The following FNBP1 variants were observed in gnomAD, a reference collection of about 807,000 sequenced individuals.
FNBP1 encodes formin binding protein 1.
A neutral mutation model predicts 90.6 loss-of-function variants in FNBP1; 26 were observed. The observed-to-expected ratio is 0.29, with a 90% confidence interval of 0.21 to 0.40. FNBP1 has a LOEUF of 0.40. Ranked by LOEUF, FNBP1 falls within the 10% of genes least tolerant of loss-of-function variation. FNBP1 has a pLI of 1.00. For missense variants in FNBP1, 635 were observed against 768.0 expected, an observed-to-expected ratio of 0.83 and a Z score of 2.05; for synonymous variants, 260 against 265.2, an observed-to-expected ratio of 0.98 and a Z score of 0.19.
intron 6 of FNBP1, among the ~76,000 whole-genome samples, chr9:129,945,641 G>A (rs547792978): frequency 1.3e-5 from 2 of 152,304 alleles, no homozygotes; most frequent in South Asian, 4.1e-4. Context: ...CTACGCAGCT[G>A]GCTTCACTTA....
chr9:129,928,138 C>T (rs190450798), intron 7 of FNBP1, among the ~76,000 whole-genome samples: 40 of 152,254 alleles, frequency 2.6e-4, no homozygotes, highest in Non-Finnish European at 4.9e-4. Flanking sequence ...TACAATTGGA[C>T]TCAAAGTTGC....
In FNBP1 at chr9:129,937,205, T is replaced by C. The variant is rs577461903; in HGVS notation, c.514-7510A>G. Among the ~76,000 whole-genome samples the C allele has an allele frequency of 6.6e-5, 10 of 151,960 alleles. 1 individual carries two copies. In the East Asian group the frequency reaches 1.4e-3, roughly 21 times the overall value. On this transcript the variant is annotated intron_variant, in intron 6 of 16. Coordinates refer to ENST00000446176, the MANE Select transcript of FNBP1 (RefSeq NM_015033.3). ...AAAAAATAAAAGGAATCAAACGAAT[T>C]TTACTCTAGTCTTTGACCCAAAAAT...
chr9:130,015,146 T>C (rs975415029), intron 1 of FNBP1, among the ~76,000 whole-genome samples: 1 of 152,104 alleles, frequency 6.6e-6, no homozygotes, highest in African/African-American at 2.4e-5. Context: ...CCAAAACACA[T>C]ACACCCATCC....
chr9:129,890,047 T>A lies in FNBP1; in HGVS notation c.*492A>T. The A allele has an allele frequency of 4.0e-6, 1 of 248,640 alleles. No homozygotes were observed. The highest frequency in any genetic ancestry group is 7.8e-6 in the Non-Finnish European group (1 of 127,754). 15.4% of individuals were successfully genotyped at this position (248,640 alleles called of 1,614,324 possible). On this transcript the variant is annotated 3_prime_UTR_variant, in exon 17 of 17. Coordinates refer to ENST00000446176, the MANE Select transcript of FNBP1 (RefSeq NM_015033.3). The surrounding 1 kb of genome is among the most constrained non-coding windows in gnomAD (Gnocchi z 5.8). ...AGACTCAGGAGAGGAGGAAGTGTTT[T>A]CTACAGCAGACAGTCTGGGACACAC...
chr9:129,994,432 CA>C (rs141859993), intron 2 of FNBP1, among the ~76,000 whole-genome samples: 5,523 of 151,990 alleles, frequency 0.036, 181 homozygotes, highest in African/African-American at 0.086. Flanking sequence ...TGGAGGGGGC[CA>C]GGGGGCCTGC....
chr9:129,908,799 C>A (rs1019018925), intron 12 of FNBP1, 91 bp downstream of exon 12: 9 of 762,314 alleles, frequency 1.2e-5, no homozygotes, highest in Non-Finnish European at 2.0e-5. Flanking sequence ...GTGATCCACC[C>A]ACCGCAGCCT....
chr9:129,908,629 T>G (rs2038632075), intron 12 of FNBP1, among the ~76,000 whole-genome samples: 1 of 152,140 alleles, frequency 6.6e-6, no homozygotes, highest in Non-Finnish European at 1.5e-5. Flanking sequence ...CTTGGCTCAC[T>G]GCAACCTCTG....
intron 1 of FNBP1, among the ~76,000 whole-genome samples, chr9:130,033,136 T>TGGATGAAAGGTGA (rs1370752067): frequency 6.6e-6 from 1 of 152,170 alleles, no homozygotes; most frequent in Non-Finnish European, 1.5e-5. Context: ...TAATTTGTGT[T>TGGATGAAAGGTGA]TACCTATCAC....
In FNBP1 at chr9:129,957,006, A is replaced by G. The variant is rs1340108927; in HGVS notation, c.513+354T>C. 6.6e-6 allele frequency among the ~76,000 whole-genome samples: 1 copy of G among 150,774 alleles called. No individual in the cohort carries two copies. Among genetic ancestry groups the G allele is most frequent in the East Asian group, 1.9e-4 (1 of 5,148 alleles). The stretch of plus-strand genomic sequence containing the variant: ...TGGGTGGTCGGTGATGAACACTCAC[A>G]GGGGAAATGAAAGACACACTTGAGC... On this transcript the variant is annotated intron_variant, in intron 6 of 16. Coordinates refer to ENST00000446176, the MANE Select transcript of FNBP1 (RefSeq NM_015033.3). This position sits in a 1 kb window ranked among gnomAD's most constrained non-coding sequence, Gnocchi z 4.3.
At chr9:130,053,775 G>A in the FNBP1 span, 1 of 672,954 alleles carries the variant, frequency 1.5e-6, no homozygotes, top group Non-Finnish European at 2.5e-6. Flanking sequence ...GGCAGCACAG[G>A]CTCCTCGACG....
chr9:129,926,565 G>A lies in FNBP1; in HGVS notation c.789+630C>T, dbSNP rs79515140. Among the ~76,000 whole-genome samples the A allele has an allele frequency of 3.8e-4, 58 of 152,182 alleles. 1 individual carries two copies. In the East Asian group the frequency reaches 0.011, roughly 29 times the overall value. The stretch of plus-strand genomic sequence containing the variant: ...TGCCCCCAACAAGAAAAATGATCTG[G>A]CCTGAGATAATGTCAAAAGTGCTGA... On this transcript the variant is annotated intron_variant, in intron 8 of 16. Coordinates refer to ENST00000446176, the MANE Select transcript of FNBP1 (RefSeq NM_015033.3).
intron 10 of FNBP1, among the ~76,000 whole-genome samples, chr9:129,918,027 T>C (rs1273046402): frequency 6.6e-6 from 1 of 152,256 alleles, no homozygotes; most frequent in Non-Finnish European, 1.5e-5. Flanking sequence ...TTCAACTAGA[T>C]ACACTATTTG....
intron 10 of FNBP1, among the ~76,000 whole-genome samples, chr9:129,923,597 G>C (rs1054831922): frequency 4.0e-5 from 6 of 149,956 alleles, no homozygotes; most frequent in Non-Finnish European, 7.4e-5. Context: ...AAAAAAGAAA[G>C]AAACAAATAG....
chr9:130,028,923 T>C (rs2058576813), intron 1 of FNBP1, among the ~76,000 whole-genome samples: 1 of 152,198 alleles, frequency 6.6e-6, no homozygotes, highest in Non-Finnish European at 1.5e-5. Context: ...ATTAGTTATA[T>C]AACAGGCATC....
intron 6 of FNBP1, among the ~76,000 whole-genome samples, chr9:129,930,400 G>A (rs1287809389): frequency 1.3e-5 from 2 of 151,964 alleles, no homozygotes; most frequent in Non-Finnish European, 2.9e-5. Flanking sequence ...TTCTCAATGG[G>A]GTTCATGCAC....
At chr9:130,030,762 T>C (rs955812335) in intron 1 of FNBP1, among the ~76,000 whole-genome samples, 1 of 152,242 alleles carries the variant, frequency 6.6e-6, no homozygotes, top group Admixed American at 6.5e-5. Flanking sequence ...CTTCTCACTA[T>C]AAGTTTAAAA....
chr9:129,957,213 T>C lies in FNBP1; in HGVS notation c.513+147A>G. ...CCACTGCACTCAGCTAATTTTTGTG[T>C]TTTTCGTAGAGATGGGGTTTCACCA... On this transcript the variant is annotated intron_variant, in intron 6 of 16. Transcript: ENST00000446176. The surrounding 1 kb of genome is among the most constrained non-coding windows in gnomAD (Gnocchi z 4.3). 1.7e-6 allele frequency: 1 copy of C among 602,646 alleles called. No homozygotes were observed. Among genetic ancestry groups the C allele is most frequent in the Non-Finnish European group, 2.9e-6 (1 of 341,858 alleles). 37.3% of individuals were successfully genotyped at this position (602,646 alleles called of 1,614,324 possible). A position where few individuals can be genotyped will look rare whatever the true frequency, so the allele number is the denominator to read the frequency against.
intron 1 of FNBP1, among the ~76,000 whole-genome samples, chr9:130,030,689 T>C (rs1444926040): frequency 6.6e-6 from 1 of 152,212 alleles, no homozygotes; most frequent in Admixed American, 6.5e-5. Context: ...CCACCCAGAT[T>C]AGCCTACAGG....
chr9:129,926,926 A>C (rs2042014037), intron 8 of FNBP1, among the ~76,000 whole-genome samples: 1 of 151,882 alleles, frequency 6.6e-6, no homozygotes. Context: ...AGAAAAAGAG[A>C]AAGAAACCCT....
Sources: allele counts gnomAD v4.1 joint callset (sites outside exome capture counted in the v4.1 genomes callset), GRCh38; gene constraint gnomAD v4.1.1; non-coding constraint Gnocchi (gnomAD v3.1); transcripts MANE v1.5; gene names NCBI Gene and HGNC (gene_info 2026-07-23, HGNC 2026-07-21).